CCNY: variants seen among roughly 807,000 people sequenced by gnomAD.
CCNY encodes cyclin Y.
In CCNY, 19 loss-of-function variants were observed where a neutral mutation model predicts 42.8. The ratio of observed to expected loss-of-function variants is 0.44; its 90% CI spans 0.31 to 0.65. The LOEUF is 0.65. Among genes scored for constraint, CCNY ranks in the 30% least tolerant of loss-of-function variants. CCNY has a pLI of 0.07. For synonymous variants in CCNY, 165 were observed against 162.7 expected, an observed-to-expected ratio of 1.01 and a Z score of -0.11; for missense variants, 370 against 437.3, an observed-to-expected ratio of 0.85 and a Z score of 1.37.
At chr10:35,444,696 C>T (rs1469403639) in intron 1 of CCNY, among the ~76,000 whole-genome samples, 2 of 152,232 alleles carry the variant, frequency 1.3e-5, no homozygotes, top group South Asian at 2.1e-4. Context: ...GTCATTGATG[C>T]AGTCTGTTGA....
At chr10:35,481,003 G>A (rs923168245) in intron 1 of CCNY, among the ~76,000 whole-genome samples, 2 of 152,124 alleles carry the variant, frequency 1.3e-5, no homozygotes, top group African/African-American at 4.8e-5. Flanking sequence ...TGTTTACAGT[G>A]CATAAAACTC....
intron 3 of CCNY, among the ~76,000 whole-genome samples, chr10:35,278,667 C>G (rs1425793282): frequency 6.6e-6 from 1 of 152,140 alleles, no homozygotes; most frequent in East Asian, 1.9e-4. Context: ...CTATAGGGTG[C>G]TCTGGAGCTG....
chr10:35,479,407 C>A (rs1221530488), intron 1 of CCNY, among the ~76,000 whole-genome samples: 2 of 140,688 alleles, frequency 1.4e-5, no homozygotes, highest in South Asian at 2.4e-4. Flanking sequence ...ACATATACAC[C>A]ATGGAATACT....
chr10:35,306,260 C>A (rs1835604852), intron 3 of CCNY, among the ~76,000 whole-genome samples: 1 of 152,178 alleles, frequency 6.6e-6, no homozygotes. Flanking sequence ...GTCTTGAACT[C>A]CTGACCTCAA....
chr10:35,261,109 T>TA (rs954723504), intron 3 of CCNY, among the ~76,000 whole-genome samples: 7 of 151,116 alleles, frequency 4.6e-5, no homozygotes, highest in Admixed American at 6.6e-5. Context: ...TAATCTGCCT[T>TA]AAAAAAACAA....
Position 35,385,399 on chromosome 10 carries a change from A to T in CCNY, c.154+48192A>T, listed in dbSNP as rs958909258. Among the ~76,000 whole-genome samples the T allele has an allele frequency of 4.6e-5, 7 of 152,368 alleles. 1 individual carries two copies. The highest frequency in any genetic ancestry group is 3.9e-4 in the Admixed American group (6 of 15,312). ...CCAACTCCTGTGGTACTCCTGTACT[A>T]AATGGGTGATTCAGGTAAATGAAGT... On this transcript the variant is annotated intron_variant, in intron 1 of 9. Coordinates refer to ENST00000374704, the MANE Select transcript of CCNY (RefSeq NM_145012.6).
rs114016214 is a variant in CCNY at position 35,371,963 on chromosome 10, A to G, written c.154+34756A>G. Among the ~76,000 whole-genome samples, 1,075 of 152,312 alleles carry G rather than the reference A, an allele frequency of 7.1e-3. 11 individuals are homozygous for G. The highest frequency in any genetic ancestry group is 0.025 in the African/African-American group (1,026 of 41,556). On this transcript the variant is annotated intron_variant, in intron 1 of 9. Coordinates refer to ENST00000374704, the MANE Select transcript of CCNY (RefSeq NM_145012.6). ...TGTGTTTCTGAAAGATTTCAATGGG[A>G]ACAGAAGCTGAATTACTGATGTTCA...
chr10:35,523,194 G>T (rs1255869944), intron 4 of CCNY, among the ~76,000 whole-genome samples: 3 of 152,176 alleles, frequency 2.0e-5, no homozygotes, highest in Admixed American at 2.0e-4. Flanking sequence ...TCCAACAGCC[G>T]TATTTGACAA....
chr10:35,257,368 C>T lies in CCNY; in HGVS notation c.-9+6742C>T, dbSNP rs565521394. On this transcript the variant is annotated intron_variant, in intron 3 of 11. Coordinates refer to the CCNY transcript ENST00000374706. ...ATGTTACTCAGGCTGGTCTCAGACT[C>T]CTGGGCTCGGGTGATCCTCTCTCCT... Among the ~76,000 whole-genome samples, 6 of 149,982 alleles carry T rather than the reference C, an allele frequency of 4.0e-5. No individual in the cohort carries two copies. In the South Asian group the frequency reaches 1.1e-3, roughly 26 times the overall value.
At chr10:35,499,935 G>A (rs1346424670) in intron 2 of CCNY, among the ~76,000 whole-genome samples, 2 of 152,204 alleles carry the variant, frequency 1.3e-5, no homozygotes, top group Admixed American at 6.5e-5. Flanking sequence ...GCATGCACAC[G>A]CTCTATATAT....
chr10:35,528,080 C>A (rs1208042973), intron 5 of CCNY, among the ~76,000 whole-genome samples: 2 of 152,156 alleles, frequency 1.3e-5, no homozygotes, highest in African/African-American at 4.8e-5. Flanking sequence ...CAGGGGCTCT[C>A]ATTCTCCAGG....
At chr10:35,283,019 G>T (rs561131311) in intron 3 of CCNY, among the ~76,000 whole-genome samples, 1 of 152,240 alleles carries the variant, frequency 6.6e-6, no homozygotes, top group South Asian at 2.1e-4. Flanking sequence ...AACTTCACCT[G>T]GGTGTCACCA....
intron 1 of CCNY, among the ~76,000 whole-genome samples, chr10:35,343,420 G>T (rs1314189094): frequency 1.3e-5 from 1 of 77,992 alleles, no homozygotes; most frequent in African/African-American, 5.7e-5. Flanking sequence ...ACGGAGTTTC[G>T]CTCTTATTGC....
intron 3 of CCNY, among the ~76,000 whole-genome samples, chr10:35,276,285 T>G (rs1469212958): frequency 1.3e-5 from 2 of 152,222 alleles, no homozygotes; most frequent in Non-Finnish European, 2.9e-5. Context: ...ATTGGATAAT[T>G]GTACCTGCCT....
chr10:35,472,265 C>T (rs1839406006), intron 1 of CCNY, among the ~76,000 whole-genome samples: 1 of 152,172 alleles, frequency 6.6e-6, no homozygotes, highest in Non-Finnish European at 1.5e-5. Context: ...ACAATTTGCC[C>T]AAGGCCATAG....
intron 1 of CCNY, among the ~76,000 whole-genome samples, chr10:35,433,836 T>C (rs753662633): frequency 1.3e-5 from 2 of 152,246 alleles, no homozygotes; most frequent in Non-Finnish European, 2.9e-5. Context: ...CTCGAACTCC[T>C]GACCTCAGGT....
At chr10:35,494,686 G>T (rs957308476) in intron 2 of CCNY, among the ~76,000 whole-genome samples, 1 of 152,150 alleles carries the variant, frequency 6.6e-6, no homozygotes, top group African/African-American at 2.4e-5. Context: ...ATGTATTAAA[G>T]AATTATTATA....
intron 3 of CCNY, among the ~76,000 whole-genome samples, chr10:35,330,362 G>A (rs1470152442): frequency 6.6e-6 from 1 of 152,098 alleles, no homozygotes; most frequent in African/African-American, 2.4e-5. Context: ...CCGTATCTTG[G>A]CTCCAGAGGC....
chr10:35,387,331 C>A (rs1162668343), intron 1 of CCNY, among the ~76,000 whole-genome samples: 1 of 152,148 alleles, frequency 6.6e-6, no homozygotes. Context: ...ATAAGAATGC[C>A]TGGTGATGAT....
Sources: gnomAD v4.1 joint callset for allele counts (sites outside exome capture counted in the v4.1 genomes callset) on GRCh38, gnomAD v4.1.1 for gene constraint, MANE v1.5 for transcripts, NCBI Gene and HGNC (gene_info 2026-07-23, HGNC 2026-07-21) for gene names.